The following TSHZ2 variants were observed in gnomAD, a reference collection of about 807,000 sequenced individuals.
TSHZ2 encodes teashirt homolog 2.
Under a neutral mutation model 74.4 loss-of-function variants are expected in TSHZ2, and 21 were observed. The ratio of observed to expected loss-of-function variants is 0.28; its 90% CI spans 0.20 to 0.41. TSHZ2 has a LOEUF of 0.41. TSHZ2 is among the 10% of genes least tolerant of loss of function. The pLI is 1.00. For missense variants in TSHZ2, 1,244 were observed against 1,293.5 expected (o/e 0.96, Z 0.59); for synonymous variants, 540 against 515.3 (o/e 1.05, Z -0.65).
intron 1 of TSHZ2, among the ~76,000 whole-genome samples, chr20:53,192,468 T>C (rs536184170): frequency 1.3e-5 from 2 of 151,052 alleles, no homozygotes; most frequent in African/African-American, 4.9e-5. Context: ...AGTGGTAAGG[T>C]GGTGACTCCC....
chr20:52,978,327 G>C (rs867018724), intron 1 of TSHZ2, among the ~76,000 whole-genome samples: 1 of 152,238 alleles, frequency 6.6e-6, no homozygotes, highest in Middle Eastern at 3.4e-3. Flanking sequence ...CAACCAAGAA[G>C]AAAACCTAGG....
At chr20:53,079,538 A>G (rs572367633) in intron 1 of TSHZ2, among the ~76,000 whole-genome samples, 1 of 152,220 alleles carries the variant, frequency 6.6e-6, no homozygotes, top group Non-Finnish European at 1.5e-5. Context: ...AAAGGAAAAA[A>G]TCAGGAATGC....
chr20:53,036,492 C>T (rs1983823430), intron 1 of TSHZ2, among the ~76,000 whole-genome samples: 1 of 150,864 alleles, frequency 6.6e-6, no homozygotes, highest in Non-Finnish European at 1.5e-5. Flanking sequence ...CATATACATA[C>T]ACACATATAT....
intron 2 of TSHZ2, among the ~76,000 whole-genome samples, chr20:53,469,044 T>A (rs1281405678): frequency 1.3e-5 from 1 of 79,034 alleles, no homozygotes; most frequent in East Asian, 3.9e-4. Context: ...AAATCGATAT[T>A]TTATATATAT....
At chr20:53,081,752 A>G (rs1238194563) in intron 1 of TSHZ2, among the ~76,000 whole-genome samples, 2 of 152,170 alleles carry the variant, frequency 1.3e-5, no homozygotes, top group East Asian at 3.8e-4. Context: ...TGTTACTGAC[A>G]GGAGCTTTGT....
At chr20:53,038,796 T>C (rs1600659883) in intron 1 of TSHZ2, among the ~76,000 whole-genome samples, 1 of 152,204 alleles carries the variant, frequency 6.6e-6, no homozygotes, top group East Asian at 1.9e-4. Context: ...TGCAGACATA[T>C]GTATTTGTTA....
chr20:53,404,477 A>G (rs1982773629), intron 2 of TSHZ2, among the ~76,000 whole-genome samples: 2 of 152,238 alleles, frequency 1.3e-5, no homozygotes, highest in Admixed American at 1.3e-4. Flanking sequence ...GCAAGTACTA[A>G]AAGACACTTG....
chr20:53,390,111 G>C (rs1457879540), intron 2 of TSHZ2, among the ~76,000 whole-genome samples: 1 of 152,220 alleles, frequency 6.6e-6, no homozygotes, highest in Non-Finnish European at 1.5e-5. Context: ...CCTTGCAAAT[G>C]TGCGCATTTT....
intron 1 of TSHZ2, among the ~76,000 whole-genome samples, chr20:53,214,072 G>A (rs376456446): frequency 6.6e-6 from 1 of 152,090 alleles, no homozygotes; most frequent in Non-Finnish European, 1.5e-5. Flanking sequence ...AAACTCACAC[G>A]ATAAAGTACA....
rs1003154871 is a variant in TSHZ2, at chr20:53,280,665, T to A, written c.*8+24094T>A. On this transcript the variant is annotated intron_variant, in intron 2 of 2. Coordinates refer to ENST00000371497, the MANE Select transcript of TSHZ2 (RefSeq NM_173485.6). ...TTTTTGTTTGTTTGTTTGTTTGTTT[T>A]TTGTTGTTGTTGTTGTTGTGTGTGG... Among the ~76,000 whole-genome samples, 4 of 140,730 alleles carry A rather than the reference T, an allele frequency of 2.8e-5. No individual in the cohort carries two copies. The East Asian group carries it at 8.6e-4, about 30-fold the overall frequency. 92.3% of individuals were successfully genotyped at this position (140,730 alleles called of 152,430 possible). A position where few individuals can be genotyped will look rare whatever the true frequency, so the allele number is the denominator to read the frequency against.
At chr20:53,174,231 G>T (rs1988270407) in intron 1 of TSHZ2, among the ~76,000 whole-genome samples, 1 of 152,146 alleles carries the variant, frequency 6.6e-6, no homozygotes, top group Non-Finnish European at 1.5e-5. Flanking sequence ...AGCTGATAGA[G>T]AATTAAGGGG....
chr20:53,149,360 T>C (rs978423783), intron 1 of TSHZ2, among the ~76,000 whole-genome samples: 1 of 151,992 alleles, frequency 6.6e-6, no homozygotes, highest in Non-Finnish European at 1.5e-5. Context: ...TGCCAGATCA[T>C]TAAAAAGGGG....
chr20:52,984,227 T>C (rs1395093799), intron 1 of TSHZ2, among the ~76,000 whole-genome samples: 1 of 152,158 alleles, frequency 6.6e-6, no homozygotes, highest in African/African-American at 2.4e-5. Flanking sequence ...GCGCTGGAAC[T>C]GGAGCCTTGC....
At position 53,193,460 on chromosome 20, in the gene TSHZ2, C is replaced by G. The variant is rs1226500930; in HGVS notation, c.41-60039C>G. Among the ~76,000 whole-genome samples the G allele has an allele frequency of 2.0e-5, 3 of 152,118 alleles. No homozygotes were observed. The South Asian group carries it at 6.2e-4, about 32-fold the overall frequency. ...ACTGCCTTTGCCCCCCAACACACCC[C>G]CTTTTGTAACATTCATCCTATTTGT... On this transcript the variant is annotated intron_variant, in intron 1 of 2. Transcript: ENST00000371497.
intron 1 of TSHZ2, among the ~76,000 whole-genome samples, chr20:53,095,570 C>T (rs887001334): frequency 6.6e-6 from 1 of 152,306 alleles, no homozygotes; most frequent in South Asian, 2.1e-4. Flanking sequence ...TAATAAATTT[C>T]TGTTACATAA....
At chr20:53,368,025 C>T (rs1354620586) in intron 2 of TSHZ2, among the ~76,000 whole-genome samples, 2 of 152,046 alleles carry the variant, frequency 1.3e-5, no homozygotes, top group Admixed American at 6.6e-5. Flanking sequence ...CGTGACGTAG[C>T]GCCGATTTCA....
At position 53,255,573 on chromosome 20, in the gene TSHZ2, C is replaced by T. The variant is rs1178392094; in HGVS notation, c.2115C>T (p.His705=). The T allele has an allele frequency of 6.3e-7, 1 of 1,582,312 alleles. No individual in the cohort carries two copies. The highest frequency in any genetic ancestry group is 1.8e-5 in the Admixed American group (1 of 55,706). ...LSALQSVLNN[H]LGKATEPLRS... is the part of the protein sequence containing the mutation. ...CCCTGCAGTCCGTCCTGAACAATCA[C>T]TTGGGCAAAGCCACGGAGCCCTTGC... The change falls in exon 2 of 3, where the codon CAC becomes CAT. Residue 705 remains histidine, a synonymous_variant. Transcript: ENST00000371497. This position sits in a 1 kb window ranked among gnomAD's most constrained non-coding sequence, Gnocchi z 4.1.
chr20:53,190,128 T>A (rs796276142), intron 1 of TSHZ2, among the ~76,000 whole-genome samples: 1 of 100,932 alleles, frequency 9.9e-6, no homozygotes, highest in Non-Finnish European at 2.0e-5. Context: ...TATATATATA[T>A]ATATATATAT....
intron 1 of TSHZ2, among the ~76,000 whole-genome samples, chr20:52,983,317 G>A (rs1568703651): frequency 6.6e-6 from 1 of 152,162 alleles, no homozygotes; most frequent in Non-Finnish European, 1.5e-5. Flanking sequence ...AACTCTTGGT[G>A]CGGGCCCAGT....
Sources: allele counts gnomAD v4.1 joint callset (sites outside exome capture counted in the v4.1 genomes callset), GRCh38; gene constraint gnomAD v4.1.1; non-coding constraint Gnocchi (gnomAD v3.1); transcripts MANE v1.5; gene names NCBI Gene and HGNC (gene_info 2026-07-23, HGNC 2026-07-21).